Variants in FAM114A2 observed in about 807,000 individuals in gnomAD.
FAM114A2 encodes the protein protein FAM114A2.
FAM114A2 carries 53 observed loss-of-function variants against 58.4 expected under a neutral mutation model. That is an observed-to-expected ratio of 0.91 (90% CI 0.73 to 1.14). The LOEUF (loss-of-function observed/expected upper bound fraction) is 1.14. Ranked by LOEUF, FAM114A2 falls within the 50% of genes most tolerant of loss-of-function variation. The probability of loss-of-function intolerance (pLI) is 0.00; values close to 1 mark genes in which losing one functional copy is unlikely to be tolerated. For synonymous variants in FAM114A2, 228 were observed against 211.4 expected, an observed-to-expected ratio of 1.08 and a Z score of -0.68; for missense variants, 601 against 581.1, an observed-to-expected ratio of 1.03 and a Z score of -0.35.
chr5:154,008,645 G>A (rs1213656629), intron 9 of FAM114A2, among the ~76,000 whole-genome samples: 1 of 151,214 alleles, frequency 6.6e-6, no homozygotes, highest in Non-Finnish European at 1.5e-5. Flanking sequence ...GACTTGGATT[G>A]TACCCTCAAG....
Position 154,034,297 on chromosome 5 carries a change from C to T in FAM114A2, c.291G>A (p.Ser97=), listed in dbSNP as rs1224595074. 7 of 1,587,430 alleles carry T rather than the reference C, an allele frequency of 4.4e-6. No homozygotes were observed. The highest frequency in any genetic ancestry group is 1.4e-5 in the African/African-American group (1 of 73,732). The change falls in exon 3 of 14, where the codon TCG becomes TCA. Residue 97 remains serine, a synonymous_variant. Coordinates refer to ENST00000351797, the MANE Select transcript of FAM114A2 (RefSeq NM_018691.4). ...TCTTACCTACTGTAGCTACTGTAGC[C>T]GAGGCTGAGGAGAGTATGGACTTGC... The part of the protein sequence containing the change: ...SWGKSILSSA[S]ATVATVGQGI...
At position 153,999,871 on chromosome 5, in the gene FAM114A2, T is replaced by C. The variant is rs149917920; in HGVS notation, c.1257-1996A>G. On this transcript the variant is annotated intron_variant, in intron 11 of 13. Coordinates refer to ENST00000351797, the MANE Select transcript of FAM114A2 (RefSeq NM_018691.4). ...AGCACTATTCACAACAGCAAAGATA[T>C]AGAATTAACCTAAGTCAGTTGAAAA... Among the ~76,000 whole-genome samples, 91 of 152,242 alleles carry C rather than the reference T, an allele frequency of 6.0e-4. 1 individual carries two copies. The East Asian group carries it at 0.014, about 24-fold the overall frequency.
At chr5:154,020,574 C>A (rs572639584) in intron 8 of FAM114A2, among the ~76,000 whole-genome samples, 1 of 152,120 alleles carries the variant, frequency 6.6e-6, no homozygotes, top group Admixed American at 6.6e-5. Flanking sequence ...TGGACACACA[C>A]GCCCTCCCAA....
chr5:154,028,155 T>C lies in FAM114A2; in HGVS notation c.624A>G (p.Leu208=), dbSNP rs199529104. The C allele has an allele frequency of 3.1e-6, 5 of 1,610,810 alleles. No individual in the cohort carries two copies. The highest frequency in any genetic ancestry group is 4.2e-6 in the Non-Finnish European group (5 of 1,178,226). ...AGGTAAGGATAATCAGTACCTGAGATAGTGTAGCATTTCGGTTCATCAGAC... is the reference window on the plus strand; with the variant it reads ...AGGTAAGGATAATCAGTACCTGAGACAGTGTAGCATTTCGGTTCATCAGAC... ...TKGLMNRNAT[L]SQVLREAKEK... Residue 208 remains leucine (L), a synonymous_variant, in exon 6 of 14, where the codon CTA becomes CTG. Transcript: ENST00000351797.
chr5:153,992,959 C>T lies in FAM114A2; in HGVS notation c.*17G>A. The stretch of plus-strand genomic sequence containing the variant: ...TCCTTGGCCGTCACAAGTCCCAGGT[C>T]AAAACGTCTCCATTCTTCAATGTTC... On this transcript the variant is annotated 3_prime_UTR_variant, in exon 14 of 14. Coordinates refer to ENST00000351797, the MANE Select transcript of FAM114A2 (RefSeq NM_018691.4). The T allele has an allele frequency of 6.2e-7, 1 of 1,605,966 alleles. No individual in the cohort carries two copies. The highest frequency in any genetic ancestry group is 8.5e-7 in the Non-Finnish European group (1 of 1,175,336).
At chr5:153,995,062 C>CACACACACA in intron 12 of FAM114A2, 90 bp from the exon 13 acceptor site, 1 of 773,274 alleles carries the variant, frequency 1.3e-6, no homozygotes, top group Non-Finnish European at 2.3e-6. Flanking sequence ...ACACACACAC[C>CACACACACA]CATACATAAA....
At chr5:154,021,344 AGG>A (rs1379508276) in intron 8 of FAM114A2, among the ~76,000 whole-genome samples, 1 of 152,220 alleles carries the variant, frequency 6.6e-6, no homozygotes, top group Non-Finnish European at 1.5e-5. Context: ...CTAGGAAAAG[AGG>A]AAGTCAAATT....
At chr5:154,027,488 C>T in intron 6 of FAM114A2, 154 bp from the exon 7 acceptor site, 1 of 519,360 alleles carries the variant, frequency 1.9e-6, no homozygotes, top group Non-Finnish European at 3.2e-6. Flanking sequence ...GGCTCAGGAG[C>T]TGCAGAAAGA....
chr5:154,011,291 C>T lies in FAM114A2; in HGVS notation c.943G>A (p.Glu315Lys), dbSNP rs758228888. ...GAAACGTGCAGCTGGGAAAACAGCT[C>T]TGTTATGTCCTTGGTAAAATCTTCA... ...GDEDFTKDIT[E>K]LFSQLHVSSK... Residue 315 changes from glutamate (E) to lysine (K), a missense_variant, in exon 9 of 14, where the codon GAG becomes AAG. Transcript: ENST00000351797. The T allele has an allele frequency of 1.9e-6, 3 of 1,612,420 alleles. No homozygotes were observed. Among genetic ancestry groups the T allele is most frequent in the South Asian group, 2.2e-5 (2 of 90,682 alleles).
chr5:154,028,109 A>C (rs1223811944), intron 6 of FAM114A2, 40 bp downstream of exon 6: 3 of 1,547,624 alleles, frequency 1.9e-6, no homozygotes, highest in Non-Finnish European at 2.6e-6. Flanking sequence ...ATACAGATCA[A>C]AACAGAAACA....
chr5:153,997,669 GC>G lies in FAM114A2; in HGVS notation c.1329+133del, dbSNP rs1295096303. On this transcript the variant is annotated intron_variant, in intron 12 of 13. Coordinates refer to ENST00000351797, the MANE Select transcript of FAM114A2 (RefSeq NM_018691.4). ...GTTTTAAAATTAGACTATGGAAATG[GC>G]CGCGCAACTCTGTAAATATACTAAA... The G allele has an allele frequency of 2.1e-4, 126 of 612,540 alleles. 1 individual carries two copies. In the South Asian group the frequency reaches 2.7e-3, roughly 13 times the overall value. 37.9% of individuals were successfully genotyped at this position (612,540 alleles called of 1,614,324 possible).
At chr5:154,001,967 ACTCTT>A (rs1400703767) in intron 11 of FAM114A2, among the ~76,000 whole-genome samples, 2 of 152,352 alleles carry the variant, frequency 1.3e-5, no homozygotes, top group Non-Finnish European at 2.9e-5. Context: ...GGTTCTTAGA[ACTCTT>A]CTCTGTTTTC....
chr5:154,030,496 C>T (rs918274821), intron 4 of FAM114A2, among the ~76,000 whole-genome samples: 10 of 152,200 alleles, frequency 6.6e-5, no homozygotes, highest in Admixed American at 3.3e-4. Flanking sequence ...TACAAGACTT[C>T]GGTTCACACA....
At chr5:154,029,828 A>G (rs1348131119) in intron 4 of FAM114A2, among the ~76,000 whole-genome samples, 1 of 152,220 alleles carries the variant, frequency 6.6e-6, no homozygotes, top group Non-Finnish European at 1.5e-5. Flanking sequence ...AACAGCCTAT[A>G]TGTTGTATGA....
rs561412792 is a variant in FAM114A2 at position 154,012,460 on chromosome 5, A to G, written c.914-1140T>C. Among the ~76,000 whole-genome samples, 5 of 152,368 alleles carry G rather than the reference A, an allele frequency of 3.3e-5. No individual in the cohort carries two copies. The East Asian group carries it at 5.8e-4, about 18-fold the overall frequency. On this transcript the variant is annotated intron_variant, in intron 8 of 13. Coordinates refer to ENST00000351797, the MANE Select transcript of FAM114A2 (RefSeq NM_018691.4). ...GGAATGCAGAAGAGAACTCTTGTAC[A>G]TAGAAATCTTCTAGCAATCTATTTA...
chr5:154,002,832 A>G lies in FAM114A2; in HGVS notation c.1116+15T>C. 1 of 1,613,806 alleles carries G rather than the reference A, an allele frequency of 6.2e-7. No homozygotes were observed. The highest frequency in any genetic ancestry group is 8.5e-7 in the Non-Finnish European group (1 of 1,179,818). ...CTACTAAAACAAACAAAAAAGGCTT[A>G]GTTGCTTTGGCTACCTCTATTGAAT... On this transcript the variant is annotated intron_variant, in intron 10 of 13. Transcript: ENST00000351797.
rs1038093074 is a variant in FAM114A2 at position 154,002,974 on chromosome 5, A to G, written c.994-5T>C. ...TTCGTGGGCGGTATTTCTTGCCTAA[A>G]TAAGAAAAATATTGGCCATCAACAA... On this transcript the variant is annotated splice_region_variant and splice_polypyrimidine_tract_variant and intron_variant, in intron 9 of 13. Coordinates refer to ENST00000351797, the MANE Select transcript of FAM114A2 (RefSeq NM_018691.4). The G allele has an allele frequency of 6.2e-7, 1 of 1,613,342 alleles. No individual in the cohort carries two copies. Among genetic ancestry groups the G allele is most frequent in the African/African-American group, 1.3e-5 (1 of 74,978 alleles).
rs1230528516 is a variant in FAM114A2, at chr5:153,992,741, T to C, written c.*235A>G. 6.0e-6 allele frequency: 2 copies of C among 335,414 alleles called. No individual in the cohort carries two copies. The highest frequency in any genetic ancestry group is 2.1e-5 in the African/African-American group (1 of 47,156). 20.8% of individuals were successfully genotyped at this position (335,414 alleles called of 1,614,324 possible). On this transcript the variant is annotated 3_prime_UTR_variant, in exon 14 of 14. Coordinates refer to ENST00000351797, the MANE Select transcript of FAM114A2 (RefSeq NM_018691.4). ...ATCTAGAGTTATTATTCTTGGACTT[T>C]CTACAAAAGTTTCTTTTCAAATAAT...
At chr5:154,000,944 C>T (rs1769930280) in intron 11 of FAM114A2, among the ~76,000 whole-genome samples, 2 of 152,004 alleles carry the variant, frequency 1.3e-5, no homozygotes, top group South Asian at 4.1e-4. Flanking sequence ...AATTTTATGC[C>T]AGGCACCATG....
Sources: gnomAD v4.1 joint callset for allele counts (sites outside exome capture counted in the v4.1 genomes callset) on GRCh38, gnomAD v4.1.1 for gene constraint, MANE v1.5 for transcripts, NCBI Gene and HGNC (gene_info 2026-07-23, HGNC 2026-07-21) for gene names.